PTPRD: variants seen among roughly 807,000 people sequenced by gnomAD.
The protein encoded by PTPRD is receptor-type tyrosine-protein phosphatase delta.
A neutral mutation model predicts 214.5 loss-of-function variants in PTPRD; 34 were observed. The observed-to-expected ratio is 0.16, with a 90% CI of 0.12 to 0.21. The LOEUF (loss-of-function observed/expected upper bound fraction) is 0.21. Ranked by LOEUF, PTPRD falls within the 10% of genes least tolerant of loss-of-function variation. PTPRD has a pLI of 1.00. For missense variants in PTPRD, 2,545 were observed against 2,398.7 expected, an observed-to-expected ratio of 1.06 and a Z score of -1.27; for synonymous variants, 1,128 against 845.7, an observed-to-expected ratio of 1.33 and a Z score of -5.79.
chr9:9,246,500 C>T (rs1316902822), intron 9 of PTPRD, among the ~76,000 whole-genome samples: 2 of 152,090 alleles, frequency 1.3e-5, no homozygotes, highest in African/African-American at 2.4e-5. Flanking sequence ...CCTGCCTCCA[C>T]TCCCACAGAA....
At chr9:8,552,930 G>C (rs1027389916) in intron 14 of PTPRD, among the ~76,000 whole-genome samples, 1 of 152,170 alleles carries the variant, frequency 6.6e-6, no homozygotes, top group Non-Finnish European at 1.5e-5. Context: ...TCTGTTGCTA[G>C]AGCCAATAGC....
chr9:8,697,406 ATTTTT>A (rs1366578007), intron 12 of PTPRD, among the ~76,000 whole-genome samples: 13 of 64,722 alleles, frequency 2.0e-4, no homozygotes, highest in African/African-American at 7.0e-4. Flanking sequence ...TTATTTATTT[ATTTTT>A]ATGTACTTTT....
intron 8 of PTPRD, among the ~76,000 whole-genome samples, chr9:9,546,756 T>C (rs1264774052): frequency 1.3e-5 from 2 of 151,872 alleles, no homozygotes; most frequent in African/African-American, 2.4e-5. Context: ...TGCTGTGCTT[T>C]ATATGCATTA....
chr9:9,646,264 G>T (rs1198317763), intron 7 of PTPRD, among the ~76,000 whole-genome samples: 1 of 151,328 alleles, frequency 6.6e-6, no homozygotes, highest in Non-Finnish European at 1.5e-5. Context: ...CTTGGATGTT[G>T]TTAGTCTATA....
At chr9:8,746,234 T>G (rs1411898366) in intron 11 of PTPRD, among the ~76,000 whole-genome samples, 1 of 152,180 alleles carries the variant, frequency 6.6e-6, no homozygotes, top group African/African-American at 2.4e-5. Context: ...ACAGCCTGAG[T>G]GCACTTTATT....
intron 7 of PTPRD, among the ~76,000 whole-genome samples, chr9:9,594,831 C>T (rs1012528054): frequency 2.6e-5 from 4 of 152,042 alleles, no homozygotes; most frequent in Non-Finnish European, 5.9e-5. Context: ...ACAATCTGTA[C>T]ATCTGACAAA....
At chr9:8,614,694 C>T (rs2095554584) in intron 14 of PTPRD, among the ~76,000 whole-genome samples, 1 of 151,986 alleles carries the variant, frequency 6.6e-6, no homozygotes, top group African/African-American at 2.4e-5. Context: ...GGATCTTGGA[C>T]CTTTAGACAT....
intron 8 of PTPRD, among the ~76,000 whole-genome samples, chr9:9,404,400 C>G (rs1188773177): frequency 6.6e-6 from 1 of 151,826 alleles, no homozygotes; most frequent in East Asian, 1.9e-4. Flanking sequence ...TGGTATAGAT[C>G]TGGAATATAT....
intron 9 of PTPRD, among the ~76,000 whole-genome samples, chr9:9,315,734 A>C (rs1157755577): frequency 1.3e-5 from 2 of 151,856 alleles, no homozygotes; most frequent in African/African-American, 2.4e-5. Flanking sequence ...AAAGGAAGAA[A>C]AAAAAATCTC....
chr9:8,345,477 T>C (rs572271392), intron 39 of PTPRD, among the ~76,000 whole-genome samples: 1 of 152,158 alleles, frequency 6.6e-6, no homozygotes, highest in South Asian at 2.1e-4. Context: ...ATTGGCAGCA[T>C]TTGACTATCC....
chr9:9,182,357 G>A (rs2099928689), intron 10 of PTPRD, among the ~76,000 whole-genome samples: 1 of 151,914 alleles, frequency 6.6e-6, no homozygotes, highest in South Asian at 2.1e-4. Context: ...TTTAAACTGA[G>A]GATGCAAAAT....
At chr9:9,272,540 C>A (rs972009982) in intron 9 of PTPRD, among the ~76,000 whole-genome samples, 1 of 151,236 alleles carries the variant, frequency 6.6e-6, no homozygotes, top group Non-Finnish European at 1.5e-5. Flanking sequence ...TTAAGGACAA[C>A]TTTAAATGGG....
intron 2 of PTPRD, among the ~76,000 whole-genome samples, chr9:10,510,674 C>G (rs2047696001): frequency 6.6e-6 from 1 of 151,994 alleles, no homozygotes; most frequent in Admixed American, 6.6e-5. Flanking sequence ...ATGGGGATGT[C>G]CATCATTTTA....
intron 3 of PTPRD, among the ~76,000 whole-genome samples, chr9:10,095,300 C>A (rs956396865): frequency 2.0e-5 from 3 of 151,360 alleles, no homozygotes; most frequent in Non-Finnish European, 3.0e-5. Flanking sequence ...ATAGATGGAG[C>A]ATAATATAGA....
chr9:8,940,719 T>C (rs1160917735), intron 11 of PTPRD, among the ~76,000 whole-genome samples: 1 of 152,012 alleles, frequency 6.6e-6, no homozygotes, highest in African/African-American at 2.4e-5. Flanking sequence ...CTCTCCATCT[T>C]TCCCAAGCCA....
At chr9:10,306,332 G>A (rs1057472516) in intron 3 of PTPRD, among the ~76,000 whole-genome samples, 1 of 151,904 alleles carries the variant, frequency 6.6e-6, no homozygotes, top group African/African-American at 2.4e-5. Flanking sequence ...TAGATTGCGG[G>A]TTGATTGGTG....
intron 23 of PTPRD, among the ~76,000 whole-genome samples, chr9:8,503,328 T>C (rs1252677936): frequency 1.3e-5 from 2 of 152,160 alleles, no homozygotes; most frequent in Non-Finnish European, 2.9e-5. Context: ...AAATTCAATG[T>C]ATTTCTACTA....
At chr9:9,596,920 C>T (rs611794) in intron 7 of PTPRD, among the ~76,000 whole-genome samples, 61,144 of 151,612 alleles carry the variant, frequency 0.4, 13,047 homozygotes, top group Non-Finnish European at 0.48. Flanking sequence ...GTTGGTGAAA[C>T]TGAAATCTAT....
chr9:10,278,619 C>G (rs914467226), intron 3 of PTPRD, among the ~76,000 whole-genome samples: 1 of 152,090 alleles, frequency 6.6e-6, no homozygotes, highest in Non-Finnish European at 1.5e-5. Context: ...TTTACATTTT[C>G]CTCACTTAGA....
Sources: allele counts gnomAD v4.1 joint callset (sites outside exome capture counted in the v4.1 genomes callset), GRCh38; gene constraint gnomAD v4.1.1; transcripts MANE v1.5; gene names NCBI Gene and HGNC (gene_info 2026-07-23, HGNC 2026-07-21).